Variants in ZNF571 observed in about 807,000 individuals in gnomAD.
ZNF571 encodes zinc finger protein 571.
Under a neutral mutation model 7.7 loss-of-function variants are expected in ZNF571, and 4 were observed. The observed-to-expected ratio is 0.52, with a 90% CI of 0.25 to 1.18. The LOEUF is 1.18. Among genes scored for constraint, ZNF571 ranks in the 50% most tolerant of loss-of-function variants. The pLI, the probability that ZNF571 is intolerant of heterozygous loss-of-function variation, is 0.14. For synonymous variants in ZNF571, 251 were observed against 232.4 expected (o/e 1.08, Z -0.73); for missense variants, 704 against 726.9 (o/e 0.97, Z 0.36).
rs1243065458 is a variant in ZNF571, at chr19:37,569,378, A to G, written c.137-3087T>C. On this transcript the variant is annotated intron_variant, in intron 3 of 3. Transcript: ENST00000451802. This position sits in a 1 kb window ranked among gnomAD's most constrained non-coding sequence, Gnocchi z 4.4. ...AATCACATTATGTCACCATCTTAAG[A>G]TTTTTCAATAGCCTGCAAAAATTGG... Among the ~76,000 whole-genome samples, 1 of 152,100 alleles carries G rather than the reference A, an allele frequency of 6.6e-6. No individual in the cohort carries two copies. Among genetic ancestry groups the G allele is most frequent in the Non-Finnish European group, 1.5e-5 (1 of 68,012 alleles).
chr19:37,585,661 A>C (rs1167354066), intron 2 of ZNF571: 2 of 152,258 alleles, frequency 1.3e-5, no homozygotes, highest in Non-Finnish European at 1.5e-5. Context: ...AATAGAGCTA[A>C]CCATCCTTTC....
chr19:37,565,594 G>T lies in ZNF571; in HGVS notation c.834C>A (p.Pro278=). ...LHQRIHSGEK[P]YECKDCGKAF... is the part of the protein sequence containing the mutation. ...CCTTCCCACAATCCTTACATTCATA[G>T]GGTTTTTCACCACTATGAATTCTCT... The change falls in exon 4 of 4, where the codon CCC becomes CCA. Residue 278 remains proline, a synonymous_variant. Transcript: ENST00000451802. The T allele has an allele frequency of 6.2e-7, 1 of 1,613,342 alleles. No individual in the cohort carries two copies. The highest frequency in any genetic ancestry group is 8.5e-7 in the Non-Finnish European group (1 of 1,179,778).
intron 3 of ZNF571, among the ~76,000 whole-genome samples, chr19:37,568,184 T>C (rs912926575): frequency 4.6e-5 from 7 of 152,192 alleles, no homozygotes; most frequent in African/African-American, 1.7e-4. Flanking sequence ...TAACAAAGAC[T>C]GGTCATGGGA....
intron 3 of ZNF571, among the ~76,000 whole-genome samples, chr19:37,578,883 G>A (rs2043343497): frequency 6.6e-6 from 1 of 152,236 alleles, no homozygotes. Context: ...ACTCCCAGAG[G>A]TAACAGATAA....
chr19:37,568,627 A>T (rs2042949643), intron 3 of ZNF571, among the ~76,000 whole-genome samples: 1 of 152,204 alleles, frequency 6.6e-6, no homozygotes, highest in Non-Finnish European at 1.5e-5. Context: ...GCTAAACAGA[A>T]ATCTAGAGGA....
rs566234675 is a variant in ZNF571, at chr19:37,583,758, T to C, written c.136+213A>G. The C allele has an allele frequency of 6.5e-6, 3 of 459,152 alleles. No individual in the cohort carries two copies. In the South Asian group the frequency reaches 9.5e-5, roughly 15 times the overall value. The allele number at this position is 459,152 out of a possible 1,614,324, so 28.4% of individuals were successfully genotyped here. On this transcript the variant is annotated intron_variant, in intron 3 of 3. Coordinates refer to ENST00000451802, the MANE Select transcript of ZNF571 (RefSeq NM_016536.5). Reference sequence around the variant, plus strand: ...GATTCCCAGATTCAAATCTAGTCCATTGGCATCAAAGAAGGGAGACACTGA... The same window carrying C: ...GATTCCCAGATTCAAATCTAGTCCACTGGCATCAAAGAAGGGAGACACTGA...
intron 2 of ZNF571, 80 bp from the exon 3 acceptor site, chr19:37,584,177 T>G: frequency 6.3e-7 from 1 of 1,597,730 alleles, no homozygotes; most frequent in African/African-American, 1.3e-5. Flanking sequence ...AGGAGGTAAT[T>G]GAAGGAAGCA....
intron 3 of ZNF571, among the ~76,000 whole-genome samples, chr19:37,582,425 C>T (rs182634974): frequency 6.6e-6 from 1 of 152,316 alleles, no homozygotes; most frequent in East Asian, 1.9e-4. Flanking sequence ...GGTTAGTCCT[C>T]AATTTCCTTT....
chr19:37,585,839 A>G (rs900925173), intron 2 of ZNF571: 1 of 152,162 alleles, frequency 6.6e-6, no homozygotes, highest in African/African-American at 2.4e-5. Context: ...GGCCCAATGT[A>G]TTTGTAAGTG....
At chr19:37,588,596 A>C (rs1485745650) in intron 1 of ZNF571, among the ~76,000 whole-genome samples, 1 of 152,136 alleles carries the variant, frequency 6.6e-6, no homozygotes, top group Non-Finnish European at 1.5e-5. Context: ...AAACCTACCT[A>C]CCTATCAGGT....
intron 3 of ZNF571, among the ~76,000 whole-genome samples, chr19:37,574,295 T>C (rs2043170451): frequency 6.6e-6 from 1 of 152,212 alleles, no homozygotes; most frequent in African/African-American, 2.4e-5. Context: ...AAGAGCTGTC[T>C]ATAGTACTCA....
intron 1 of ZNF571, among the ~76,000 whole-genome samples, chr19:37,592,560 T>G (rs942457701): frequency 6.6e-6 from 1 of 152,188 alleles, no homozygotes; most frequent in Non-Finnish European, 1.5e-5. Flanking sequence ...TGAGAATGCA[T>G]GCTTTAGGTG....
In ZNF571 at chr19:37,565,103, G is replaced by T. The variant is rs200244064; in HGVS notation, c.1325C>A (p.Thr442Lys). 22 of 1,612,054 alleles carry T rather than the reference G, an allele frequency of 1.4e-5. No homozygotes were observed. The highest frequency in any genetic ancestry group is 3.3e-5 in the Admixed American group (2 of 59,858). Residue 442 changes from threonine to lysine, a missense_variant, in exon 4 of 4, where the codon ACA (threonine) becomes AAA (lysine). Physicochemically the swap from Thr to Lys is moderately conservative, Grantham distance 78. Coordinates refer to ENST00000451802, the MANE Select transcript of ZNF571 (RefSeq NM_016536.5). ...CTTACATTCAAAGGGTTTCTCACCT[G>T]TATGAATTCTCTGATGTTCACTAAG... Reference protein sequence around the residue: ...KQLSEHQRIHTGEKPFECKEC... With the variant: ...KQLSEHQRIHKGEKPFECKEC...
At chr19:37,590,735 CTG>C (rs1008245233) in intron 1 of ZNF571, among the ~76,000 whole-genome samples, 26 of 152,098 alleles carry the variant, frequency 1.7e-4, no homozygotes, top group Admixed American at 2.0e-4. Flanking sequence ...TGCAACTTCT[CTG>C]TAAGTGTAAT....
rs565229471 is a variant in ZNF571 at position 37,584,299 on chromosome 19, T to C, written c.10-202A>G. 6.4e-5 allele frequency: 38 copies of C among 592,264 alleles called. No individual in the cohort carries two copies. In the Admixed American group the frequency reaches 1.2e-3, roughly 19 times the overall value. 36.7% of individuals were successfully genotyped at this position (592,264 alleles called of 1,614,324 possible). A position where few individuals can be genotyped will look rare whatever the true frequency, so the allele number is the denominator to read the frequency against. On this transcript the variant is annotated intron_variant, in intron 2 of 3. Transcript: ENST00000451802. The stretch of plus-strand genomic sequence containing the variant: ...CCTCTGTACAATAGAACAATTCCAT[T>C]ATCCAGAAAGGTCTGAGAATTTAAA...
intron 1 of ZNF571, among the ~76,000 whole-genome samples, chr19:37,589,227 A>G (rs886322790): frequency 1.3e-5 from 2 of 151,558 alleles, no homozygotes. Context: ...AAAAATCACA[A>G]AAATGCTAGA....
At chr19:37,580,687 G>C (rs1037497804) in intron 3 of ZNF571, among the ~76,000 whole-genome samples, 1 of 151,974 alleles carries the variant, frequency 6.6e-6, no homozygotes, top group Non-Finnish European at 1.5e-5. Context: ...AGTTCTCAAG[G>C]GAGCTGGTTT....
chr19:37,580,012 T>A (rs2043393533), intron 3 of ZNF571, among the ~76,000 whole-genome samples: 1 of 152,198 alleles, frequency 6.6e-6, no homozygotes, highest in Non-Finnish European at 1.5e-5. Context: ...ACCCATAATA[T>A]CAATTTAGCT....
intron 3 of ZNF571, among the ~76,000 whole-genome samples, chr19:37,568,629 T>TC (rs1463402006): frequency 1.3e-5 from 2 of 152,116 alleles, no homozygotes; most frequent in Non-Finnish European, 2.9e-5. Flanking sequence ...TAAACAGAAA[T>TC]CTAGAGGAAT....
Sources: allele counts gnomAD v4.1 joint callset (sites outside exome capture counted in the v4.1 genomes callset), GRCh38; gene constraint gnomAD v4.1.1; non-coding constraint Gnocchi (gnomAD v3.1); transcripts MANE v1.5; gene names NCBI Gene and HGNC (gene_info 2026-07-23, HGNC 2026-07-21).